The following RELCH variants were observed in gnomAD, a reference collection of about 807,000 sequenced individuals.
RELCH encodes RAB11-binding protein RELCH.
A neutral mutation model predicts 150.3 loss-of-function variants in RELCH; 41 were observed. That is an observed-to-expected ratio of 0.27 (90% CI 0.21 to 0.35). RELCH has a LOEUF of 0.35. Ranked by LOEUF, RELCH falls within the 10% of genes least tolerant of loss-of-function variation. The probability of loss-of-function intolerance (pLI) is 1.00; values close to 1 mark genes in which losing one functional copy is unlikely to be tolerated. For missense variants in RELCH, 1,092 were observed against 1,467.8 expected (o/e 0.74, Z 4.18); for synonymous variants, 478 against 531.8 (o/e 0.90, Z 1.39).
At chr18:62,200,645 G>A (rs980087984) in intron 1 of RELCH, among the ~76,000 whole-genome samples, 3 of 151,258 alleles carry the variant, frequency 2.0e-5, no homozygotes, top group Non-Finnish European at 4.4e-5. Flanking sequence ...TGTATCATGT[G>A]TATTCTAAAG....
chr18:62,230,323 G>T (rs1340631180), intron 8 of RELCH, among the ~76,000 whole-genome samples: 5 of 151,950 alleles, frequency 3.3e-5, no homozygotes, highest in Non-Finnish European at 5.9e-5. Flanking sequence ...CCTGATTTGA[G>T]GTTTCTGACT....
At chr18:62,239,279 C>T (rs1292793097) in intron 10 of RELCH, among the ~76,000 whole-genome samples, 5 of 150,692 alleles carry the variant, frequency 3.3e-5, no homozygotes, top group South Asian at 2.1e-4. Flanking sequence ...TTCTAAGAAT[C>T]GGTATTTTTA....
At chr18:62,271,430 A>G (rs1406612206) in intron 20 of RELCH, among the ~76,000 whole-genome samples, 1 of 146,458 alleles carries the variant, frequency 6.8e-6, no homozygotes, top group African/African-American at 2.8e-5. Context: ...ACACTTTTTG[A>G]TGGGGTTGTT....
rs141231398 is a variant in RELCH at position 62,268,053 on chromosome 18, T to C, written c.2681-816T>C. Among the ~76,000 whole-genome samples the C allele has an allele frequency of 2.0e-3, 308 of 152,124 alleles. 1 individual carries two copies. The highest frequency in any genetic ancestry group is 5.3e-3 in the African/African-American group (220 of 41,538). ...TCTTCAGGGCAGTTAAATAAATCTT[T>C]TCAACTCAATTTCTTTATGTAGTAC... On this transcript the variant is annotated intron_variant, in intron 19 of 28. Transcript: ENST00000644646.
At chr18:62,226,276 C>G (rs761300464) in intron 5 of RELCH, among the ~76,000 whole-genome samples, 12 of 152,060 alleles carry the variant, frequency 7.9e-5, no homozygotes, top group Non-Finnish European at 1.6e-4. Flanking sequence ...TTCTAAAGAT[C>G]TTTCTCTACA....
chr18:62,229,611 A>C (rs1005616100), intron 8 of RELCH, among the ~76,000 whole-genome samples: 2 of 152,014 alleles, frequency 1.3e-5, no homozygotes, highest in African/African-American at 4.8e-5. Context: ...ACAGACAAGC[A>C]ATAACACTAA....
intron 10 of RELCH, among the ~76,000 whole-genome samples, chr18:62,239,473 C>T (rs1397062674): frequency 6.6e-6 from 1 of 151,934 alleles, no homozygotes; most frequent in East Asian, 1.9e-4. Context: ...CAAAGGCTCA[C>T]AGATAGGTTT....
intron 11 of RELCH, among the ~76,000 whole-genome samples, chr18:62,248,831 T>G (rs2042554637): frequency 6.6e-6 from 1 of 152,174 alleles, no homozygotes; most frequent in Non-Finnish European, 1.5e-5. Context: ...GAGCATCTAC[T>G]CAGAGTGATG....
intron 1 of RELCH, among the ~76,000 whole-genome samples, chr18:62,192,803 G>A (rs907081218): frequency 2.0e-5 from 3 of 152,168 alleles, no homozygotes; most frequent in Admixed American, 6.5e-5. Flanking sequence ...AGTATAGTCT[G>A]AAGTGAGGTA....
At chr18:62,255,321 C>A in intron 12 of RELCH, 86 bp from the exon 13 acceptor site, 1 of 920,970 alleles carries the variant, frequency 1.1e-6, no homozygotes, top group Admixed American at 1.8e-5. Flanking sequence ...GCATTCTTAA[C>A]AGGATTTGTG....
Position 62,227,414 on chromosome 18 carries a change from A to G in RELCH, c.984A>G (p.Val328=). Reference sequence around the variant, plus strand: ...ATCTTGTAGATGTGGCCAGTGGAGTAGAAGAAGATGAATTAGAGGCCCTTA... The same window carrying G: ...ATCTTGTAGATGTGGCCAGTGGAGTGGAAGAAGATGAATTAGAGGCCCTTA... ...GKDLVDVASG[V]EEDELEALTP... is the part of the protein sequence containing the mutation. The change falls in exon 6 of 29, where the codon GTA becomes GTG. Residue 328 remains valine, a synonymous_variant. Coordinates refer to ENST00000644646, the MANE Select transcript of RELCH (RefSeq NM_001346231.2). 1 of 1,613,308 alleles carries G rather than the reference A, an allele frequency of 6.2e-7. No homozygotes were observed. Among genetic ancestry groups the G allele is most frequent in the Non-Finnish European group, 8.5e-7 (1 of 1,179,504 alleles).
intron 11 of RELCH, among the ~76,000 whole-genome samples, chr18:62,251,126 G>A (rs1037486580): frequency 1.3e-5 from 2 of 152,016 alleles, no homozygotes; most frequent in Non-Finnish European, 2.9e-5. Flanking sequence ...ATTAGTTATT[G>A]GTTAACTATT....
At chr18:62,304,665 G>A (rs761769903) in intron 28 of RELCH, among the ~76,000 whole-genome samples, 3 of 152,192 alleles carry the variant, frequency 2.0e-5, no homozygotes, top group Non-Finnish European at 2.9e-5. Context: ...TCTATTACAG[G>A]ACAGTTGTCA....
At chr18:62,241,025 T>C (rs1475420691) in intron 10 of RELCH, among the ~76,000 whole-genome samples, 1 of 152,096 alleles carries the variant, frequency 6.6e-6, no homozygotes, top group Admixed American at 6.6e-5. Context: ...AATCTTCCTG[T>C]GCAAAGCTAT....
Position 62,279,848 on chromosome 18 carries a change from C to T in RELCH, c.3042C>T (p.Asp1014=), listed in dbSNP as rs2144927672. 1.3e-6 allele frequency: 2 copies of T among 1,533,686 alleles called. No homozygotes were observed. The highest frequency in any genetic ancestry group is 1.7e-6 in the Non-Finnish European group (2 of 1,144,768). ...CTGCTCTCATTACTCTCTCCAGTGA[C>T]CCTGAAATGTAAGTGTCATCCCTGC... ...VVPALITLSS[D]PEISVRIATI... Residue 1014 remains aspartate (D), a synonymous_variant, in exon 23 of 29, where the codon GAC becomes GAT. Transcript: ENST00000644646.
intron 27 of RELCH, among the ~76,000 whole-genome samples, chr18:62,298,078 GT>G (rs1217658837): frequency 6.6e-6 from 1 of 150,514 alleles, no homozygotes; most frequent in Non-Finnish European, 1.5e-5. Flanking sequence ...AATATTGTCT[GT>G]TTTATTTGCT....
intron 27 of RELCH, among the ~76,000 whole-genome samples, chr18:62,298,032 G>A (rs6650711): frequency 0.23 from 34,428 of 151,458 alleles, 4,482 homozygotes; most frequent in African/African-American, 0.36. Context: ...TTGTGTATCT[G>A]TCTCTCTTAC....
chr18:62,286,405 G>T (rs2044796631), intron 25 of RELCH, among the ~76,000 whole-genome samples: 2 of 152,010 alleles, frequency 1.3e-5, no homozygotes, highest in Admixed American at 6.6e-5. Context: ...GTTTTTGTGG[G>T]GTTTTACTAA....
intron 11 of RELCH, 147 bp downstream of exon 11, chr18:62,245,023 G>T: frequency 1.7e-6 from 1 of 589,430 alleles, no homozygotes. Context: ...CCCCATCATG[G>T]ATTCACTCCT....
Sources: allele counts gnomAD v4.1 joint callset (sites outside exome capture counted in the v4.1 genomes callset), GRCh38; gene constraint gnomAD v4.1.1; transcripts MANE v1.5; gene names NCBI Gene and HGNC (gene_info 2026-07-23, HGNC 2026-07-21).